PCDHA1: variants seen among roughly 807,000 people sequenced by gnomAD.
The protein encoded by PCDHA1 is protocadherin alpha 1.
Under a neutral mutation model 61.3 loss-of-function variants are expected in PCDHA1, and 42 were observed. The ratio of observed to expected loss-of-function variants is 0.69; its 90% CI spans 0.54 to 0.89. PCDHA1 has a LOEUF of 0.89. Ranked by LOEUF, PCDHA1 falls within the 40% of genes least tolerant of loss-of-function variation. The pLI is 0.00. For missense variants in PCDHA1, 1,256 were observed against 1,235.3 expected, an observed-to-expected ratio of 1.02 and a Z score of -0.25; for synonymous variants, 610 against 553.8, an observed-to-expected ratio of 1.10 and a Z score of -1.43.
Position 140,843,405 on chromosome 5 carries a change from A to T in PCDHA1, c.2394+54721A>T. On this transcript the variant is annotated intron_variant, in intron 1 of 3. Transcript: ENST00000504120. ...TTGGGTCCGGAAGCGGCGCTGGTGG[A>T]TGTCAACGTGTACCTGATCATCGCC... The T allele has an allele frequency of 1.4e-5, 23 of 1,595,948 alleles. 2 individuals are homozygous for T. The highest frequency in any genetic ancestry group is 2.0e-5 in the Non-Finnish European group (23 of 1,165,558).
At chr5:140,828,203 G>T in intron 1 of PCDHA1, 1 of 1,614,078 alleles carries the variant, frequency 6.2e-7, no homozygotes, top group Non-Finnish European at 8.5e-7. Flanking sequence ...CGTACCCGAG[G>T]AGGCCAAACA....
At position 140,788,278 on chromosome 5, in the gene PCDHA1, C is replaced by A; in HGVS notation, c.1988C>A (p.Ala663Asp). Reference protein sequence around the residue: ...DHGEPALTATATVLVSLVESG... With the variant: ...DHGEPALTATDTVLVSLVESG... ...GGTGAGCCGGCGCTGACAGCCACGG[C>A]CACTGTGCTTGTATCTCTGGTGGAG... The change falls in exon 1 of 4, where the codon GCC (alanine) becomes GAC (aspartate). Residue 663 changes from alanine (A) to aspartate (D), a missense_variant. Physicochemically the swap from Ala to Asp is moderately radical, Grantham distance 126 (BLOSUM62 -2). Transcript: ENST00000504120. 1 of 1,614,032 alleles carries A rather than the reference C, an allele frequency of 6.2e-7. No individual in the cohort carries two copies. The highest frequency in any genetic ancestry group is 8.5e-7 in the Non-Finnish European group (1 of 1,179,952).
intron 1 of PCDHA1, among the ~76,000 whole-genome samples, chr5:140,839,040 T>C (rs1469530871): frequency 6.6e-6 from 1 of 152,080 alleles, no homozygotes; most frequent in Non-Finnish European, 1.5e-5. Flanking sequence ...TGTTTTCTTT[T>C]CAACGTGAAT....
In PCDHA1 at chr5:140,888,521, C is replaced by T. The variant is rs191011552; in HGVS notation, c.2395-90428C>T. ...TAAAGAGTCTTGGACTTAGTTCTGACGTGAAGTTAAGTTGCTCAGTACCAA... is the reference window on the plus strand; with the variant it reads ...TAAAGAGTCTTGGACTTAGTTCTGATGTGAAGTTAAGTTGCTCAGTACCAA... On this transcript the variant is annotated intron_variant, in intron 1 of 3. Transcript: ENST00000504120. Among the ~76,000 whole-genome samples, 432 of 152,260 alleles carry T rather than the reference C, an allele frequency of 2.8e-3. 2 individuals carry two copies. The highest frequency in any genetic ancestry group is 0.014 in the Middle Eastern group (4 of 292).
At position 140,809,644 on chromosome 5, in the gene PCDHA1, C is replaced by A. The variant is rs1764516799; in HGVS notation, c.2394+20960C>A. On this transcript the variant is annotated intron_variant, in intron 1 of 3. Coordinates refer to ENST00000504120, the MANE Select transcript of PCDHA1 (RefSeq NM_018900.4). ...TATCAACTTCTTCGTAAATTTATTT[C>A]TAAGAGTCAAATTTCCCTGGGTTAA... 88 of 1,500,162 alleles carry A rather than the reference C, an allele frequency of 5.9e-5. No individual in the cohort carries two copies. The South Asian group carries it at 1.1e-3, about 19-fold the overall frequency. The allele number at this position is 1,500,162 out of a possible 1,614,324, so 92.9% of individuals were successfully genotyped here.
chr5:140,835,776 AAGG>A (rs1266986197), intron 1 of PCDHA1: 2 of 1,613,090 alleles, frequency 1.2e-6, no homozygotes, highest in South Asian at 1.1e-5. Flanking sequence ...GGTGTTCGTG[AAGG>A]AGAACAACCC....
At position 140,836,402 on chromosome 5, in the gene PCDHA1, C is replaced by T. The variant is rs1695178893; in HGVS notation, c.2394+47718C>T. The T allele has an allele frequency of 1.9e-6, 3 of 1,613,680 alleles. No homozygotes were observed. The South Asian group carries it at 3.3e-5, about 18-fold the overall frequency. On this transcript the variant is annotated intron_variant, in intron 1 of 3. Transcript: ENST00000504120. Reference sequence around the variant, plus strand: ...TGCTGGTGTCGCTGGTGGAAAGCGGCCAGGCACCAAAGGCGTCGTCGCGGG... The same window carrying T: ...TGCTGGTGTCGCTGGTGGAAAGCGGTCAGGCACCAAAGGCGTCGTCGCGGG...
chr5:140,856,947 A>T (rs1486886568), intron 1 of PCDHA1: 1 of 1,592,258 alleles, frequency 6.3e-7, no homozygotes. Flanking sequence ...AGGACGGGAG[A>T]AATAAAAGTA....
chr5:140,881,669 T>C (rs1030695213), intron 1 of PCDHA1, among the ~76,000 whole-genome samples: 17 of 152,248 alleles, frequency 1.1e-4, no homozygotes, highest in African/African-American at 4.1e-4. Context: ...TTTATTCTTA[T>C]GTGATTGTTA....
intron 1 of PCDHA1, chr5:140,856,597 C>CA: frequency 1.3e-6 from 2 of 1,597,412 alleles, no homozygotes; most frequent in Non-Finnish European, 1.7e-6. Context: ...ATATTATAAA[C>CA]AAAAAAGACA....
intron 1 of PCDHA1, among the ~76,000 whole-genome samples, chr5:140,826,768 T>TA (rs1769047468): frequency 6.6e-6 from 1 of 152,046 alleles, no homozygotes; most frequent in Non-Finnish European, 1.5e-5. Context: ...TATTGGAGAG[T>TA]AATTGAAAAT....
rs1554124981 is a variant in PCDHA1, at chr5:140,809,069, A to G, written c.2394+20385A>G. ...CATCCCGTTCCGCGTGGGGCTGTAC[A>G]CTGGCGAGATCAGCACAACGCGTGC... On this transcript the variant is annotated intron_variant, in intron 1 of 3. Coordinates refer to ENST00000504120, the MANE Select transcript of PCDHA1 (RefSeq NM_018900.4). The G allele has an allele frequency of 2.9e-5, 47 of 1,613,780 alleles. No individual in the cohort carries two copies. The highest frequency in any genetic ancestry group is 3.8e-5 in the Non-Finnish European group (45 of 1,179,912).
At chr5:140,872,049 T>A (rs2053460307) in intron 1 of PCDHA1, among the ~76,000 whole-genome samples, 1 of 152,248 alleles carries the variant, frequency 6.6e-6, no homozygotes, top group African/African-American at 2.4e-5. Context: ...ATTCTCCCAC[T>A]TCAGCCTCCA....
At chr5:140,871,861 T>C (rs1554165885) in intron 1 of PCDHA1, among the ~76,000 whole-genome samples, 1 of 152,272 alleles carries the variant, frequency 6.6e-6, no homozygotes, top group East Asian at 1.9e-4. Flanking sequence ...ATAATAACTA[T>C]GGATTATTTA....
intron 1 of PCDHA1, among the ~76,000 whole-genome samples, chr5:140,899,683 T>A (rs1554188699): frequency 6.6e-6 from 1 of 152,222 alleles, no homozygotes; most frequent in African/African-American, 2.4e-5. Flanking sequence ...ATCAGGATGA[T>A]GCTGGCCTCA....
intron 1 of PCDHA1, chr5:140,815,506 A>C (rs1410150940): frequency 2.0e-5 from 3 of 148,546 alleles, no homozygotes; most frequent in Non-Finnish European, 4.4e-5. Context: ...TATTGATGTC[A>C]TAAATACATC....
chr5:140,860,307 G>A (rs181918299), intron 1 of PCDHA1: 3 of 152,082 alleles, frequency 2.0e-5, no homozygotes, highest in Admixed American at 2.0e-4. Flanking sequence ...CTTGAGCCTG[G>A]GAAGTTGAGG....
At chr5:140,943,050 A>G (rs1450755005) in intron 1 of PCDHA1, among the ~76,000 whole-genome samples, 1 of 152,044 alleles carries the variant, frequency 6.6e-6, no homozygotes, top group African/African-American at 2.4e-5. Flanking sequence ...TGAGGTCAGG[A>G]GTTCAAGAAC....
rs2150363513 is a variant in PCDHA1 at position 140,843,612 on chromosome 5, C to T, written c.2394+54928C>T. The T allele has an allele frequency of 2.5e-6, 4 of 1,595,894 alleles. No individual in the cohort carries two copies. In the African/African-American group the frequency reaches 5.4e-5, roughly 21 times the overall value. On this transcript the variant is annotated intron_variant, in intron 1 of 3. Coordinates refer to ENST00000504120, the MANE Select transcript of PCDHA1 (RefSeq NM_018900.4). ...CAGAGGGTGTGCTCTGGTGAGGGGC[C>T]ACCGAAGACGGACCTCATGGCCTTC...
Sources: gnomAD v4.1 joint callset for allele counts (sites outside exome capture counted in the v4.1 genomes callset) on GRCh38, gnomAD v4.1.1 for gene constraint, MANE v1.5 for transcripts, NCBI Gene and HGNC (gene_info 2026-07-23, HGNC 2026-07-21) for gene names.